The following CFAP77 variants were observed in gnomAD, a reference collection of about 807,000 sequenced individuals.
CFAP77 encodes the protein cilia and flagella associated protein 77.
In CFAP77, 25 loss-of-function variants were observed where a neutral mutation model predicts 31.1. The observed-to-expected ratio is 0.80, with a 90% CI of 0.59 to 1.12. CFAP77 has a LOEUF of 1.12. Among genes scored for constraint, CFAP77 ranks in the 50% most tolerant of loss-of-function variants. CFAP77 has a pLI of 0.00. For missense variants in CFAP77, 377 were observed against 397.3 expected, an observed-to-expected ratio of 0.95 and a Z score of 0.44; for synonymous variants, 151 against 159.9, an observed-to-expected ratio of 0.94 and a Z score of 0.42.
chr9:132,547,339 C>T (rs1425702387), intron 5 of CFAP77, among the ~76,000 whole-genome samples: 1 of 152,220 alleles, frequency 6.6e-6, no homozygotes, highest in African/African-American at 2.4e-5. Flanking sequence ...AAATGCTCCC[C>T]TGGCTAGGCT....
intron 1 of CFAP77, among the ~76,000 whole-genome samples, chr9:132,449,091 G>A (rs951636693): frequency 2.0e-5 from 3 of 152,180 alleles, no homozygotes; most frequent in Admixed American, 2.0e-4. Context: ...CAGTCTGGAG[G>A]TCAGTTTACA....
rs1310091816 is a variant in CFAP77, at chr9:132,410,306, C to A, written c.35C>A (p.Thr12Lys). Reference protein sequence around the residue: ...PEARSSGPDLTRWRKQQQPVR... With the variant: ...PEARSSGPDLKRWRKQQQPVR... ...GCCAGGAGCTCCGGCCCGGACCTCA[C>A]GCGATGGAGGAAGCAGCAGCAGCCT... The change falls in exon 1 of 6, where the codon ACG (threonine) becomes AAG (lysine). Residue 12 changes from threonine to lysine, a missense_variant. By Grantham distance (78) the Thr-to-Lys change is moderately conservative. Coordinates refer to ENST00000393216, the MANE Select transcript of CFAP77 (RefSeq NM_001282957.2). 4 of 1,593,534 alleles carry A rather than the reference C, an allele frequency of 2.5e-6. No homozygotes were observed. The highest frequency in any genetic ancestry group is 3.4e-6 in the Non-Finnish European group (4 of 1,171,548).
At chr9:132,456,125 G>A (rs1158366432) in intron 1 of CFAP77, among the ~76,000 whole-genome samples, 3 of 152,200 alleles carry the variant, frequency 2.0e-5, no homozygotes, top group Non-Finnish European at 2.9e-5. Context: ...TCCGTTGAAC[G>A]AGACAGGTGA....
intron 1 of CFAP77, among the ~76,000 whole-genome samples, chr9:132,469,926 G>A (rs1039960465): frequency 2.0e-5 from 3 of 147,536 alleles, no homozygotes; most frequent in African/African-American, 7.8e-5. Flanking sequence ...CACAACCTCC[G>A]CCTCGTGGGT....
At chr9:132,541,404 G>A (rs1157287757) in intron 4 of CFAP77, among the ~76,000 whole-genome samples, 3 of 152,220 alleles carry the variant, frequency 2.0e-5, no homozygotes, top group Non-Finnish European at 4.4e-5. Context: ...CAGCCTCTCT[G>A]CTTTGGTTCA....
In CFAP77 at chr9:132,412,598, T is replaced by G. The variant is rs556781229; in HGVS notation, c.195+2132T>G. ...ACCTCTGTTGTTTTTTTTGGGTTTT[T>G]TTGTTTGTTTGTTTTGTGCTTTTTT... On this transcript the variant is annotated intron_variant, in intron 1 of 5. Transcript: ENST00000393216. 5.9e-5 allele frequency among the ~76,000 whole-genome samples: 9 copies of G among 152,156 alleles called. No homozygotes were observed. The East Asian group carries it at 1.7e-3, about 29-fold the overall frequency.
intron 1 of CFAP77, among the ~76,000 whole-genome samples, chr9:132,484,512 C>A (rs1396982536): frequency 1.3e-5 from 2 of 152,154 alleles, no homozygotes; most frequent in Admixed American, 6.5e-5. Context: ...TGTCTGGATT[C>A]TTTTCCTTAG....
Position 132,537,587 on chromosome 9 carries a change from C to A in CFAP77, c.525-14C>A, listed in dbSNP as rs753517547. The A allele has an allele frequency of 5.0e-6, 8 of 1,601,592 alleles. No homozygotes were observed. Among genetic ancestry groups the A allele is most frequent in the Non-Finnish European group, 6.0e-6 (7 of 1,172,222 alleles). ...TCCGGGGCCTCAAGCTCTGTCTGGA[C>A]TTCTTCCCTCCAGGCCTTCCACACC... On this transcript the variant is annotated splice_polypyrimidine_tract_variant and intron_variant, in intron 3 of 5. Transcript: ENST00000393216.
chr9:132,516,954 G>A (rs762895999), intron 3 of CFAP77, among the ~76,000 whole-genome samples: 11 of 152,198 alleles, frequency 7.2e-5, no homozygotes, highest in East Asian at 1.9e-4. Context: ...GGACAGCCAC[G>A]TCATTCAGGA....
intron 3 of CFAP77, among the ~76,000 whole-genome samples, chr9:132,529,806 C>G (rs1430479917): frequency 6.8e-6 from 1 of 146,224 alleles, no homozygotes; most frequent in Non-Finnish European, 1.5e-5. Flanking sequence ...AGCCTGGCAA[C>G]AGACCAAGAC....
At chr9:132,418,190 G>T (rs1850141219) in intron 1 of CFAP77, among the ~76,000 whole-genome samples, 1 of 152,258 alleles carries the variant, frequency 6.6e-6, no homozygotes, top group Non-Finnish European at 1.5e-5. Context: ...ATTGAGGGGG[G>T]CAGTTTTGCT....
chr9:132,453,398 C>T (rs112638479), intron 1 of CFAP77, among the ~76,000 whole-genome samples: 98 of 150,988 alleles, frequency 6.5e-4, no homozygotes, highest in African/African-American at 1.3e-3. Flanking sequence ...AGACGGCATG[C>T]GCCTGTAATC....
intron 1 of CFAP77, among the ~76,000 whole-genome samples, chr9:132,438,811 A>G (rs1420280944): frequency 3.3e-5 from 5 of 151,578 alleles, no homozygotes; most frequent in African/African-American, 1.2e-4. Context: ...CTGGGGTTAC[A>G]GGTGTGAGCC....
intron 1 of CFAP77, among the ~76,000 whole-genome samples, chr9:132,466,132 G>A (rs1851147398): frequency 6.6e-6 from 1 of 152,144 alleles, no homozygotes. Context: ...TGTTGCCCAG[G>A]CTGGGGTGCA....
chr9:132,473,436 G>A (rs544994728), intron 1 of CFAP77, among the ~76,000 whole-genome samples: 32 of 152,326 alleles, frequency 2.1e-4, no homozygotes, highest in Non-Finnish European at 3.5e-4. Context: ...GATGTAACTT[G>A]ATCCAGATCG....
chr9:132,422,304 C>T (rs1205634413), intron 1 of CFAP77, among the ~76,000 whole-genome samples: 2 of 152,350 alleles, frequency 1.3e-5, no homozygotes, highest in African/African-American at 2.4e-5. Context: ...CTACTGTGCC[C>T]AGCCCAGCAG....
intron 1 of CFAP77, among the ~76,000 whole-genome samples, chr9:132,451,931 A>G (rs959204629): frequency 6.6e-6 from 1 of 150,884 alleles, no homozygotes; most frequent in South Asian, 2.1e-4. Context: ...CAGCCTCCTG[A>G]GCAGCTGGGA....
At chr9:132,535,388 C>T (rs955016191) in intron 3 of CFAP77, among the ~76,000 whole-genome samples, 6 of 152,132 alleles carry the variant, frequency 3.9e-5, no homozygotes, top group Admixed American at 2.0e-4. Context: ...GGATATCTTA[C>T]GCTAGGGATA....
chr9:132,449,252 G>C (rs787884), intron 1 of CFAP77, among the ~76,000 whole-genome samples: 69,764 of 151,752 alleles, frequency 0.46, 18,451 homozygotes, highest in African/African-American at 0.73. Context: ...CAAAGAAGCT[G>C]TCTTTTGCTC....
Sources: allele counts gnomAD v4.1 joint callset (sites outside exome capture counted in the v4.1 genomes callset), GRCh38; gene constraint gnomAD v4.1.1; transcripts MANE v1.5; gene names NCBI Gene and HGNC (gene_info 2026-07-23, HGNC 2026-07-21).